Variants in SRFBP1 observed in about 807,000 individuals in gnomAD.
SRFBP1 encodes serum response factor-binding protein 1.
In SRFBP1, 47 loss-of-function variants were observed where a neutral mutation model predicts 45.5. That is an observed-to-expected ratio of 1.03 (90% CI 0.82 to 1.32). SRFBP1 has a LOEUF of 1.32. Ranked by LOEUF, SRFBP1 falls within the 40% of genes most tolerant of loss-of-function variation. SRFBP1 has a pLI of 0.00. For synonymous variants in SRFBP1, 203 were observed against 166.3 expected (o/e 1.22, Z -1.70); for missense variants, 621 against 484.6 (o/e 1.28, Z -2.64).
chr5:122,026,999 G>A lies in SRFBP1; in HGVS notation c.1163G>A (p.Arg388Lys). The change falls in exon 8 of 8, where the codon AGA becomes AAA. Residue 388 changes from arginine to lysine, a missense_variant. Physicochemically the swap from Arg to Lys is conservative, Grantham distance 26 (BLOSUM62 2). Transcript: ENST00000339397. ...KNQFNKKLSG[R>K]LENTKQQLQL... ...CAGTTTAATAAGAAGCTATCAGGAA[G>A]ACTTGAAAATACAAAACAGCAATTG... The A allele has an allele frequency of 6.2e-7, 1 of 1,613,056 alleles. No individual in the cohort carries two copies. The highest frequency in any genetic ancestry group is 8.5e-7 in the Non-Finnish European group (1 of 1,179,778).
chr5:121,987,003 AAG>A (rs1372038609), intron 3 of SRFBP1, among the ~76,000 whole-genome samples: 1 of 152,130 alleles, frequency 6.6e-6, no homozygotes, highest in Non-Finnish European at 1.5e-5. Flanking sequence ...CGAGTACTGA[AAG>A]AATTTAAATA....
downstream of SRFBP1, chr5:122,077,893 G>C: frequency 6.5e-7 from 1 of 1,528,728 alleles, no homozygotes; most frequent in Non-Finnish European, 8.7e-7. The surrounding 1 kb of genome is among the most constrained non-coding windows in gnomAD (Gnocchi z 4.9). Context: ...GCTCGCGCGG[G>C]GGCTGCTGTT....
At chr5:122,043,043 A>G (rs1036803657) in intron 2 of SRFBP1, among the ~76,000 whole-genome samples, 1 of 151,860 alleles carries the variant, frequency 6.6e-6, no homozygotes, top group Non-Finnish European at 1.5e-5. Context: ...GTGTTCATCA[A>G]TTTTTCCTTG....
At chr5:121,977,064 G>A (rs1181130256) in intron 3 of SRFBP1, among the ~76,000 whole-genome samples, 3 of 151,914 alleles carry the variant, frequency 2.0e-5, no homozygotes, top group African/African-American at 4.8e-5. Context: ...TAAATGTAAA[G>A]CCTGTTTTCT....
At chr5:122,030,371 C>A (rs1029380842), downstream of SRFBP1, among the ~76,000 whole-genome samples, 4 of 152,180 alleles carry the variant, frequency 2.6e-5, no homozygotes, top group Admixed American at 2.6e-4. Flanking sequence ...TGAAAACCAA[C>A]AGCCCATGAT....
chr5:121,999,911 G>T (rs1172301117), intron 4 of SRFBP1, among the ~76,000 whole-genome samples: 1 of 151,956 alleles, frequency 6.6e-6, no homozygotes, highest in Non-Finnish European at 1.5e-5. Flanking sequence ...TCTTTTAAGT[G>T]GTATGTTTAA....
intron 4 of SRFBP1, among the ~76,000 whole-genome samples, chr5:122,005,163 C>A (rs1377618115): frequency 6.6e-6 from 1 of 152,146 alleles, no homozygotes; most frequent in Non-Finnish European, 1.5e-5. Context: ...TAGGTCTATA[C>A]AGTCTAAGGT....
At chr5:122,077,770 C>G (rs753662323), downstream of SRFBP1, 8 of 1,548,692 alleles carry the variant, frequency 5.2e-6, no homozygotes, top group Non-Finnish European at 6.9e-6. The surrounding 1 kb of genome is among the most constrained non-coding windows in gnomAD (Gnocchi z 4.9). Flanking sequence ...CGGCGGCGCC[C>G]GGGTCCCGGC....
At chr5:121,998,466 G>C (rs1316914210) in intron 4 of SRFBP1, among the ~76,000 whole-genome samples, 161 of 137,044 alleles carry the variant, frequency 1.2e-3, no homozygotes, top group African/African-American at 4.2e-3. Context: ...ATTGAACAAT[G>C]AGATCACATG....
intron 2 of SRFBP1, among the ~76,000 whole-genome samples, chr5:122,054,574 T>C (rs1404499987): frequency 6.6e-6 from 1 of 152,200 alleles, no homozygotes; most frequent in East Asian, 1.9e-4. Flanking sequence ...GAACTTTATC[T>C]ACAAAATCAG....
chr5:121,962,159 C>A, intron 1 of SRFBP1, 91 bp downstream of exon 1: 1 of 1,517,920 alleles, frequency 6.6e-7, no homozygotes, highest in Non-Finnish European at 9.1e-7. Flanking sequence ...ATAGAGGGTG[C>A]GGTTGGAGGA....
In SRFBP1 at chr5:122,019,304, A is replaced by G. The variant is rs769835841; in HGVS notation, c.315A>G (p.Val105=). The stretch of plus-strand genomic sequence containing the variant: ...AAAGAGCAATTGCCAGACTAGCAGT[A>G]CATCCTCTTCTGAAGAAAAAGATAG... ...ATERAIARLA[V]HPLLKKKIDV... Residue 105 remains valine (V), a synonymous_variant, in exon 5 of 8, where the codon GTA becomes GTG. Transcript: ENST00000339397. 8.1e-6 allele frequency: 13 copies of G among 1,612,694 alleles called. No homozygotes were observed. The highest frequency in any genetic ancestry group is 1.1e-5 in the Non-Finnish European group (13 of 1,179,208).
At chr5:122,020,935 C>A (rs928179161) in intron 6 of SRFBP1, 133 bp downstream of exon 6, 2 of 786,078 alleles carry the variant, frequency 2.5e-6, no homozygotes, top group Non-Finnish European at 1.9e-6. Flanking sequence ...ATGGCCCTCT[C>A]CAAGGTTGTA....
downstream of SRFBP1, chr5:122,076,014 A>G (rs1284697402): frequency 6.6e-6 from 1 of 152,318 alleles, no homozygotes; most frequent in Non-Finnish European, 1.5e-5. Flanking sequence ...CTAAAAGAGC[A>G]TACCCAGATT....
At position 121,974,464 on chromosome 5, in the gene SRFBP1, C is replaced by G. The variant is rs566872658; in HGVS notation, c.125+180C>G. Reference sequence around the variant, plus strand: ...GAATGTGCTGTGTCAGCATGCCCTTCTATGGTTTGGACCATCATTGCTCAA... The same window carrying G: ...GAATGTGCTGTGTCAGCATGCCCTTGTATGGTTTGGACCATCATTGCTCAA... On this transcript the variant is annotated intron_variant, in intron 2 of 7. Coordinates refer to ENST00000339397, the MANE Select transcript of SRFBP1 (RefSeq NM_152546.3). 1.2e-4 allele frequency among the ~76,000 whole-genome samples: 19 copies of G among 152,016 alleles called. 1 individual carries two copies. The highest frequency in any genetic ancestry group is 4.1e-4 in the African/African-American group (17 of 41,534).
intron 4 of SRFBP1, among the ~76,000 whole-genome samples, chr5:121,995,153 A>G (rs1159087892): frequency 6.6e-6 from 1 of 151,648 alleles, no homozygotes; most frequent in Non-Finnish European, 1.5e-5. Context: ...TCAGCTCTGC[A>G]CCAAGCGGAC....
chr5:122,048,361 A>G (rs953435781), intron 2 of SRFBP1, among the ~76,000 whole-genome samples: 1 of 152,058 alleles, frequency 6.6e-6, no homozygotes, highest in African/African-American at 2.4e-5. Context: ...TGATTTGTGT[A>G]TGTTGAACCA....
rs1292813352 is a variant in SRFBP1, at chr5:121,996,135, AAG to A, written c.270+1468_270+1469del. ...CTGAAACTATTCCAATCAATAGAAA[AAG>A]AGGGAATCCTCCCTAACTCATTTTA... On this transcript the variant is annotated intron_variant, in intron 4 of 7. Coordinates refer to ENST00000339397, the MANE Select transcript of SRFBP1 (RefSeq NM_152546.3). Among the ~76,000 whole-genome samples the A allele has an allele frequency of 1.8e-4, 26 of 147,972 alleles. No homozygotes were observed. The South Asian group carries it at 3.0e-3, about 17-fold the overall frequency.
intron 2 of SRFBP1, among the ~76,000 whole-genome samples, chr5:122,072,458 T>C (rs1340593261): frequency 6.6e-6 from 1 of 152,226 alleles, no homozygotes; most frequent in African/African-American, 2.4e-5. Context: ...TCAACTGTTT[T>C]AGTTTCGTAT....
Sources: allele counts gnomAD v4.1 joint callset (sites outside exome capture counted in the v4.1 genomes callset), GRCh38; gene constraint gnomAD v4.1.1; non-coding constraint Gnocchi (gnomAD v3.1); transcripts MANE v1.5; gene names NCBI Gene and HGNC (gene_info 2026-07-23, HGNC 2026-07-21).